CDKAL1: variants seen among roughly 807,000 people sequenced by gnomAD.
CDKAL1 encodes CDKAL1 threonylcarbamoyladenosine tRNA methylthiotransferase.
CDKAL1 carries 32 observed loss-of-function variants against 68.2 expected under a neutral mutation model. The observed-to-expected ratio is 0.47, with a 90% CI of 0.35 to 0.63. The LOEUF (loss-of-function observed/expected upper bound fraction) is 0.63, where lower values mean the gene tolerates loss of function less well. CDKAL1 is among the 30% of genes least tolerant of loss of function. The pLI is 0.00. For missense variants in CDKAL1, 606 were observed against 696.7 expected, an observed-to-expected ratio of 0.87 and a Z score of 1.47; for synonymous variants, 234 against 244.3, an observed-to-expected ratio of 0.96 and a Z score of 0.39.
chr6:20,830,402 A>G (rs1307147032), intron 8 of CDKAL1, among the ~76,000 whole-genome samples: 4 of 152,226 alleles, frequency 2.6e-5, no homozygotes, highest in African/African-American at 7.2e-5. Flanking sequence ...AACATGAGAT[A>G]CTATTCAAGA....
At chr6:20,788,925 G>A (rs973814237) in intron 8 of CDKAL1, among the ~76,000 whole-genome samples, 1 of 152,114 alleles carries the variant, frequency 6.6e-6, no homozygotes, top group Non-Finnish European at 1.5e-5. Flanking sequence ...TCAGCGCAGT[G>A]TCTTTCTCAC....
chr6:21,010,849 C>T (rs1038959902), intron 11 of CDKAL1, among the ~76,000 whole-genome samples: 5 of 151,968 alleles, frequency 3.3e-5, no homozygotes, highest in Admixed American at 1.3e-4. Flanking sequence ...TTTGGGAGGC[C>T]GAGGCGGGCA....
At chr6:21,143,162 A>G (rs1776006675) in intron 13 of CDKAL1, among the ~76,000 whole-genome samples, 1 of 152,228 alleles carries the variant, frequency 6.6e-6, no homozygotes, top group Non-Finnish European at 1.5e-5. Context: ...TCATTTAGTC[A>G]TATTTCACCT....
At chr6:20,722,947 CT>C (rs1263276181) in intron 5 of CDKAL1, among the ~76,000 whole-genome samples, 1 of 152,134 alleles carries the variant, frequency 6.6e-6, no homozygotes, top group African/African-American at 2.4e-5. Context: ...CCACTTTCTG[CT>C]GAGAGCTGTT....
At chr6:21,067,538 G>A (rs1432539886) in intron 12 of CDKAL1, among the ~76,000 whole-genome samples, 2 of 152,126 alleles carry the variant, frequency 1.3e-5, no homozygotes, top group Non-Finnish European at 2.9e-5. Context: ...CGTGAACCTG[G>A]GAGGTGGAGC....
intron 8 of CDKAL1, among the ~76,000 whole-genome samples, chr6:20,838,367 A>G (rs1464357945): frequency 6.6e-6 from 1 of 152,122 alleles, no homozygotes; most frequent in African/African-American, 2.4e-5. Context: ...TTGAATGGCC[A>G]ACCAGGTGTC....
At chr6:21,087,106 A>C (rs1339787611) in intron 12 of CDKAL1, among the ~76,000 whole-genome samples, 4 of 152,194 alleles carry the variant, frequency 2.6e-5, no homozygotes, top group Non-Finnish European at 5.9e-5. Flanking sequence ...GGCCTAAGAC[A>C]ACAATGCATA....
chr6:20,779,826 G>T (rs1418041041), intron 7 of CDKAL1, among the ~76,000 whole-genome samples: 3 of 152,160 alleles, frequency 2.0e-5, no homozygotes, highest in Non-Finnish European at 4.4e-5. Flanking sequence ...CTCCCAAAGT[G>T]CTGGGATTAC....
intron 12 of CDKAL1, among the ~76,000 whole-genome samples, chr6:21,093,393 A>T (rs1773145424): frequency 6.6e-6 from 1 of 152,238 alleles, no homozygotes; most frequent in Non-Finnish European, 1.5e-5. Context: ...AAAACAAGAG[A>T]GTAAGCTAAG....
chr6:21,159,362 G>A (rs1776799658), intron 13 of CDKAL1, among the ~76,000 whole-genome samples: 1 of 152,114 alleles, frequency 6.6e-6, no homozygotes, highest in African/African-American at 2.4e-5. Flanking sequence ...CTTGGACTAT[G>A]GAAGTTGCCT....
At chr6:21,028,429 C>T (rs1329704312) in intron 11 of CDKAL1, among the ~76,000 whole-genome samples, 3 of 152,110 alleles carry the variant, frequency 2.0e-5, no homozygotes, top group African/African-American at 4.8e-5. Context: ...GGCTGCAAGT[C>T]CCAGATCAGG....
intron 13 of CDKAL1, among the ~76,000 whole-genome samples, chr6:21,136,844 T>C (rs1366618361): frequency 6.6e-6 from 1 of 152,206 alleles, no homozygotes; most frequent in Non-Finnish European, 1.5e-5. Flanking sequence ...TTTTCCTTCA[T>C]AGCACTGAAC....
chr6:20,685,244 T>A (rs1001385456), intron 5 of CDKAL1, among the ~76,000 whole-genome samples: 4 of 152,200 alleles, frequency 2.6e-5, no homozygotes, highest in African/African-American at 9.7e-5. Flanking sequence ...TCTACCACCG[T>A]TTTTTGAAGA....
At chr6:20,901,780 C>T (rs368937550) in intron 9 of CDKAL1, among the ~76,000 whole-genome samples, 13 of 144,182 alleles carry the variant, frequency 9.0e-5, no homozygotes, top group African/African-American at 2.8e-4. Flanking sequence ...TTTGTTTGTT[C>T]GTTTGTTTTT....
chr6:20,565,601 G>A (rs1764431635), intron 4 of CDKAL1, among the ~76,000 whole-genome samples: 1 of 152,060 alleles, frequency 6.6e-6, no homozygotes, highest in Non-Finnish European at 1.5e-5. Flanking sequence ...TTAGTAATAT[G>A]CTACATATGC....
intron 9 of CDKAL1, among the ~76,000 whole-genome samples, chr6:20,950,559 A>ATATTT (rs1423016944): frequency 8.5e-5 from 13 of 152,228 alleles, no homozygotes; most frequent in Admixed American, 8.5e-4. Flanking sequence ...AATATAACAT[A>ATATTT]TATGTTTAAT....
intron 4 of CDKAL1, among the ~76,000 whole-genome samples, chr6:20,620,431 C>T (rs990036508): frequency 6.6e-6 from 1 of 152,128 alleles, no homozygotes; most frequent in Admixed American, 6.5e-5. Flanking sequence ...TTGCATATAT[C>T]ATCTTTAATC....
intron 9 of CDKAL1, among the ~76,000 whole-genome samples, chr6:20,875,623 T>G (rs1760472858): frequency 6.6e-6 from 1 of 152,194 alleles, no homozygotes; most frequent in Non-Finnish European, 1.5e-5. Context: ...CTCTGTTCCC[T>G]TGGCTTTTAA....
intron 13 of CDKAL1, among the ~76,000 whole-genome samples, chr6:21,124,669 G>C (rs1774902072): frequency 6.6e-6 from 1 of 150,926 alleles, no homozygotes; most frequent in African/African-American, 2.4e-5. Context: ...TGGCCACAAA[G>C]AGAACGAGGT....
Sources: gnomAD v4.1 joint callset for allele counts (sites outside exome capture counted in the v4.1 genomes callset) on GRCh38, gnomAD v4.1.1 for gene constraint, MANE v1.5 for transcripts, NCBI Gene and HGNC (gene_info 2026-07-23, HGNC 2026-07-21) for gene names.